Variants in YEATS2 observed in about 807,000 individuals in gnomAD.
YEATS2 encodes YEATS domain containing 2, also known as YEATS domain-containing protein 2.
A neutral mutation model predicts 163.2 loss-of-function variants in YEATS2; 77 were observed. That is an observed-to-expected ratio of 0.47 (90% CI 0.39 to 0.57). The LOEUF (loss-of-function observed/expected upper bound fraction) is 0.57. Ranked by LOEUF, YEATS2 falls within the 20% of genes least tolerant of loss-of-function variation. The pLI, the probability that YEATS2 is intolerant of heterozygous loss-of-function variation, is 0.00. For missense variants in YEATS2, 1,549 were observed against 1,729.8 expected, an observed-to-expected ratio of 0.90 and a Z score of 1.85; for synonymous variants, 631 against 645.1, an observed-to-expected ratio of 0.98 and a Z score of 0.33.
At chr3:183,797,001 G>A (rs1725211505) in intron 21 of YEATS2, among the ~76,000 whole-genome samples, 1 of 152,146 alleles carries the variant, frequency 6.6e-6, no homozygotes, top group Non-Finnish European at 1.5e-5. Context: ...AGGCGCGGTA[G>A]CTCACGCCTG....
intron 7 of YEATS2, among the ~76,000 whole-genome samples, chr3:183,732,771 C>T (rs1434798529): frequency 3.3e-5 from 5 of 151,430 alleles, no homozygotes; most frequent in African/African-American, 4.9e-5. Flanking sequence ...TTATTAGCCA[C>T]GATGGTCTCG....
intron 21 of YEATS2, among the ~76,000 whole-genome samples, chr3:183,793,903 G>A (rs1306650225): frequency 1.3e-5 from 2 of 152,058 alleles, no homozygotes; most frequent in South Asian, 2.1e-4. Flanking sequence ...GTGAGCCACC[G>A]CACCCAGCCC....
intron 6 of YEATS2, among the ~76,000 whole-genome samples, chr3:183,726,259 T>C (rs1376147237): frequency 1.3e-5 from 2 of 152,214 alleles, no homozygotes; most frequent in Admixed American, 6.5e-5. Context: ...TGTGTAAGTT[T>C]GGAAGAACTT....
intron 28 of YEATS2, 168 bp downstream of exon 28, chr3:183,807,260 C>G: frequency 3.1e-6 from 2 of 636,666 alleles, no homozygotes; most frequent in Non-Finnish European, 5.4e-6. Flanking sequence ...CTGGTTGACC[C>G]AGGTGTGCTC....
At chr3:183,732,278 G>A (rs1717871758) in intron 7 of YEATS2, among the ~76,000 whole-genome samples, 1 of 151,480 alleles carries the variant, frequency 6.6e-6, no homozygotes, top group Non-Finnish European at 1.5e-5. Flanking sequence ...GTGAAACCTT[G>A]TCTCTACTAA....
intron 11 of YEATS2, 28 bp from the exon 12 acceptor site, chr3:183,756,500 T>C: frequency 5.9e-6 from 9 of 1,523,860 alleles, no homozygotes; most frequent in Non-Finnish European, 7.9e-6. Flanking sequence ...GTGTATTTTG[T>C]TTGTATTCTC....
Position 183,798,002 on chromosome 3 carries a change from C to T in YEATS2, c.3177C>T (p.Ser1059=), listed in dbSNP as rs754654782. 2.8e-5 allele frequency: 45 copies of T among 1,613,986 alleles called. No homozygotes were observed. The highest frequency in any genetic ancestry group is 3.1e-5 in the Non-Finnish European group (36 of 1,179,986). The part of the protein sequence containing the change: ...LTIPSQLKPL[S]VNTSGGVQTI... ...TTCCCAGCCAGCTCAAACCACTCAG[C>T]GTAAACACATCTGGAGGGGTGCAGA... Residue 1059 remains serine (S), a synonymous_variant, in exon 22 of 31, where the codon AGC becomes AGT. Coordinates refer to ENST00000305135, the MANE Select transcript of YEATS2 (RefSeq NM_018023.5).
In YEATS2 at chr3:183,736,948, C is replaced by T. The variant is rs1015998186; in HGVS notation, c.924+119C>T. 5.9e-5 allele frequency: 46 copies of T among 783,448 alleles called. 1 individual carries two copies. The highest frequency in any genetic ancestry group is 8.2e-5 in the Non-Finnish European group (41 of 500,522). The allele number at this position is 783,448 out of a possible 1,614,324, so 48.5% of individuals were successfully genotyped here. On this transcript the variant is annotated intron_variant, in intron 8 of 30. Transcript: ENST00000305135. Reference sequence around the variant, plus strand: ...CATTAAAAAATTCACATACAACTTTCGACTCCCCCAAAACTTAACTATTAA... The same window carrying T: ...CATTAAAAAATTCACATACAACTTTTGACTCCCCCAAAACTTAACTATTAA...
intron 7 of YEATS2, among the ~76,000 whole-genome samples, chr3:183,730,115 A>C (rs1018354147): frequency 1.9e-5 from 2 of 107,284 alleles, no homozygotes; most frequent in African/African-American, 7.4e-5. Flanking sequence ...TCCATGCTGG[A>C]GTGCAGTGGC....
chr3:183,784,721 A>AGGAGTTGCAAC (rs1305101013), intron 19 of YEATS2, among the ~76,000 whole-genome samples: 1 of 151,490 alleles, frequency 6.6e-6, no homozygotes, highest in Non-Finnish European at 1.5e-5. Context: ...CGTAGAGCCG[A>AGGAGTTGCAAC]GGAGTTGCAA....
At chr3:183,808,948 T>C in intron 29 of YEATS2, 149 bp from the exon 30 acceptor site, 1 of 643,406 alleles carries the variant, frequency 1.6e-6, no homozygotes, top group Non-Finnish European at 2.8e-6. Flanking sequence ...TTATGGTCTA[T>C]TATTGAGGCC....
chr3:183,779,046 G>T (rs1209837393), intron 19 of YEATS2, among the ~76,000 whole-genome samples: 1 of 152,016 alleles, frequency 6.6e-6, no homozygotes, highest in Admixed American at 6.6e-5. Context: ...GAGTAGCTGC[G>T]ATTACAGGAG....
At position 183,761,737 on chromosome 3, in the gene YEATS2, G is replaced by A. The variant is rs150054544; in HGVS notation, c.1764+123G>A. ...GGGTCTCAACTCCTCATTCTGAGAC[G>A]TGCTTCCATGTATTTAATGATGTCC... On this transcript the variant is annotated intron_variant, in intron 14 of 30. Transcript: ENST00000305135. 5.7e-6 allele frequency: 5 copies of A among 871,876 alleles called. No individual in the cohort carries two copies. The South Asian group carries it at 7.9e-5, about 14-fold the overall frequency. 54.0% of individuals were successfully genotyped at this position (871,876 alleles called of 1,614,324 possible).
rs1165044671 is a variant in YEATS2 at position 183,724,466 on chromosome 3, T to C, written c.585T>C (p.Ala195=). The C allele has an allele frequency of 1.9e-6, 3 of 1,613,886 alleles. No homozygotes were observed. The highest frequency in any genetic ancestry group is 2.5e-6 in the Non-Finnish European group (3 of 1,179,930). ...CCCATAAAACAGAACAGCGGAATGC[T>C]GATCTCACAGATGAGACTTCACGAC... is the stretch of plus-strand genomic sequence containing the variant. ...TGSHKTEQRN[A]DLTDETSRLF... Residue 195 remains alanine (A), a synonymous_variant, in exon 6 of 31, where the codon GCT becomes GCC. Coordinates refer to ENST00000305135, the MANE Select transcript of YEATS2 (RefSeq NM_018023.5).
rs184841170 is a variant in YEATS2 at position 183,787,024 on chromosome 3, G to A, written c.2913+723G>A. ...GGCTGGAGTGCAGTGACGAGATCTC[G>A]GCTCACTGGAACCTCCATCTCCCGG... On this transcript the variant is annotated intron_variant, in intron 20 of 30. Coordinates refer to ENST00000305135, the MANE Select transcript of YEATS2 (RefSeq NM_018023.5). Among the ~76,000 whole-genome samples the A allele has an allele frequency of 1.8e-3, 269 of 152,006 alleles. 2 individuals carry two copies. Among genetic ancestry groups the A allele is most frequent in the African/African-American group, 5.8e-3 (240 of 41,444 alleles).
At chr3:183,806,797 C>G in intron 27 of YEATS2, 69 bp from the exon 28 acceptor site, 1 of 1,539,396 alleles carries the variant, frequency 6.5e-7, no homozygotes. Flanking sequence ...GACCATGGGT[C>G]TCTTGGAGAC....
chr3:183,705,156 C>T (rs752341013), intron 1 of YEATS2, among the ~76,000 whole-genome samples: 10 of 151,898 alleles, frequency 6.6e-5, no homozygotes, highest in African/African-American at 9.7e-5. Flanking sequence ...CTCAAGCAAT[C>T]CTCCTACCTC....
intron 29 of YEATS2, chr3:183,808,780 C>T (rs1972893): frequency 3.2e-5 from 6 of 185,476 alleles, no homozygotes; most frequent in African/African-American, 5.3e-5. Context: ...CGCTTGAACC[C>T]GGGAGGCGGA....
chr3:183,771,133 TC>T (rs945300987), intron 15 of YEATS2, among the ~76,000 whole-genome samples: 1 of 152,230 alleles, frequency 6.6e-6, no homozygotes, highest in Admixed American at 6.5e-5. Context: ...AAATTTATCT[TC>T]CTACCAACAG....
Sources: gnomAD v4.1 joint callset for allele counts (sites outside exome capture counted in the v4.1 genomes callset) on GRCh38, gnomAD v4.1.1 for gene constraint, MANE v1.5 for transcripts, NCBI Gene and HGNC (gene_info 2026-07-23, HGNC 2026-07-21) for gene names.